The following PRKD1 variants were observed in gnomAD, a reference collection of about 807,000 sequenced individuals.
The protein encoded by PRKD1 is protein kinase D1, also known as serine/threonine-protein kinase D1.
PRKD1 carries 63 observed loss-of-function variants against 95.9 expected under a neutral mutation model. The observed-to-expected ratio is 0.66, with a 90% CI of 0.54 to 0.81. PRKD1 has a LOEUF of 0.81. PRKD1 is among the 30% of genes least tolerant of loss of function. The pLI, the probability that PRKD1 is intolerant of heterozygous loss-of-function variation, is 0.00. For missense variants in PRKD1, 1,048 were observed against 1,165.3 expected (o/e 0.90, Z 1.47); for synonymous variants, 425 against 423.1 (o/e 1.00, Z -0.05).
intron 1 of PRKD1, among the ~76,000 whole-genome samples, chr14:29,809,013 A>G (rs1890368867): frequency 1.3e-5 from 2 of 152,248 alleles, no homozygotes; most frequent in Non-Finnish European, 2.9e-5. Context: ...TTACTCTCTG[A>G]TCCATGGGCT....
chr14:29,854,556 A>G (rs1172651428), intron 1 of PRKD1, among the ~76,000 whole-genome samples: 1 of 152,256 alleles, frequency 6.6e-6, no homozygotes. Flanking sequence ...GAGCATAAAA[A>G]TTCAGAAAAT....
rs528892802 is a variant in PRKD1 at position 29,600,427 on chromosome 14, T to C, written c.1906-610A>G. On this transcript the variant is annotated intron_variant, in intron 13 of 17. Coordinates refer to ENST00000331968, the MANE Select transcript of PRKD1 (RefSeq NM_002742.3). Reference sequence around the variant, plus strand: ...TTGGTTTTCAAGCACGCAATAAATATAGCTAATCCTTGAGAAACACAAATT... The same window carrying C: ...TTGGTTTTCAAGCACGCAATAAATACAGCTAATCCTTGAGAAACACAAATT... Among the ~76,000 whole-genome samples the C allele has an allele frequency of 1.1e-3, 168 of 152,240 alleles. 12 individuals carry two copies. In the South Asian group the frequency reaches 0.033, roughly 30 times the overall value.
chr14:29,604,968 C>A (rs531421351), intron 13 of PRKD1, among the ~76,000 whole-genome samples: 19 of 152,142 alleles, frequency 1.2e-4, no homozygotes, highest in Non-Finnish European at 2.2e-4. Context: ...AATGGCGAAT[C>A]ACCTAGGTCA....
intron 1 of PRKD1, among the ~76,000 whole-genome samples, chr14:29,879,425 C>T (rs1255816014): frequency 5.3e-5 from 8 of 152,198 alleles, no homozygotes; most frequent in Non-Finnish European, 1.2e-4. Context: ...CTTGCTGCCA[C>T]CACGTAAGAA....
At chr14:29,820,491 A>AGGATG (rs1890870364) in intron 1 of PRKD1, among the ~76,000 whole-genome samples, 1 of 152,240 alleles carries the variant, frequency 6.6e-6, no homozygotes, top group South Asian at 2.1e-4. Context: ...AAGAAACTTA[A>AGGATG]GGATGAGTAC....
chr14:29,730,035 G>A (rs927205641), intron 1 of PRKD1, among the ~76,000 whole-genome samples: 4 of 151,776 alleles, frequency 2.6e-5, no homozygotes, highest in Non-Finnish European at 4.4e-5. Context: ...ATAGACAAAC[G>A]TTAAGACATC....
At chr14:29,835,170 C>CAG (rs34461958) in intron 1 of PRKD1, among the ~76,000 whole-genome samples, 1 of 151,714 alleles carries the variant, frequency 6.6e-6, no homozygotes, top group African/African-American at 2.4e-5. Context: ...TGAAAAAAAA[C>CAG]AAATTCATTT....
intron 1 of PRKD1, among the ~76,000 whole-genome samples, chr14:29,736,253 GTCT>G (rs1206668819): frequency 1.3e-5 from 2 of 152,142 alleles, no homozygotes; most frequent in Non-Finnish European, 2.9e-5. Context: ...ATGCATATTG[GTCT>G]TCAACTGCTA....
intron 1 of PRKD1, among the ~76,000 whole-genome samples, chr14:29,835,065 A>G (rs1483598451): frequency 2.6e-5 from 4 of 152,196 alleles, no homozygotes; most frequent in Non-Finnish European, 5.9e-5. Flanking sequence ...AAATTAACAT[A>G]CAAAGAAATA....
chr14:29,691,841 CCATAT>C (rs1414261935), intron 2 of PRKD1, among the ~76,000 whole-genome samples: 1 of 151,962 alleles, frequency 6.6e-6, no homozygotes, highest in Non-Finnish European at 1.5e-5. Flanking sequence ...TTTGTCGTCA[CCATAT>C]CACAAACTTT....
chr14:29,588,014 G>C (rs972202817), intron 16 of PRKD1, among the ~76,000 whole-genome samples: 1 of 152,114 alleles, frequency 6.6e-6, no homozygotes, highest in Non-Finnish European at 1.5e-5. Context: ...ATGCCGTTAT[G>C]TCTGACAGTG....
intron 2 of PRKD1, among the ~76,000 whole-genome samples, chr14:29,707,358 G>T (rs1885141738): frequency 1.3e-5 from 2 of 152,106 alleles, no homozygotes; most frequent in South Asian, 4.1e-4. Flanking sequence ...AGATAGTAAG[G>T]GATGTAGTTA....
chr14:29,870,637 G>A (rs947220550), intron 1 of PRKD1, among the ~76,000 whole-genome samples: 18 of 152,126 alleles, frequency 1.2e-4, no homozygotes, highest in African/African-American at 4.1e-4. Context: ...AACCCCTGAA[G>A]AAATGTTAAG....
At chr14:29,850,072 T>G (rs1892245119) in intron 1 of PRKD1, among the ~76,000 whole-genome samples, 1 of 152,118 alleles carries the variant, frequency 6.6e-6, no homozygotes, top group African/African-American at 2.4e-5. Flanking sequence ...GAAACACTGA[T>G]GACAAACCCA....
chr14:29,583,057 C>T (rs1018684565), intron 16 of PRKD1, among the ~76,000 whole-genome samples: 10 of 152,066 alleles, frequency 6.6e-5, no homozygotes, highest in African/African-American at 1.4e-4. Context: ...AGAGGAATGC[C>T]GAAACTCCAG....
intron 1 of PRKD1, among the ~76,000 whole-genome samples, chr14:29,851,284 C>A (rs1253489438): frequency 6.6e-6 from 1 of 152,086 alleles, no homozygotes; most frequent in East Asian, 1.9e-4. Context: ...ACATAGTAAA[C>A]AGATAACCTA....
chr14:29,670,617 A>T (rs1255294615), intron 2 of PRKD1, among the ~76,000 whole-genome samples: 1 of 152,206 alleles, frequency 6.6e-6, no homozygotes, highest in East Asian at 1.9e-4. Flanking sequence ...GAGAGATGAC[A>T]ACAGATCAAT....
chr14:29,598,964 T>A (rs1049814153), intron 15 of PRKD1, 63 bp downstream of exon 15: 2 of 1,315,296 alleles, frequency 1.5e-6, no homozygotes, highest in Non-Finnish European at 2.2e-6. Context: ...GGTGACAAGA[T>A]GCTACATGGA....
chr14:29,821,765 GT>G (rs1228914343), intron 1 of PRKD1, among the ~76,000 whole-genome samples: 2 of 152,044 alleles, frequency 1.3e-5, no homozygotes, highest in East Asian at 3.9e-4. Context: ...TAATACAAAT[GT>G]TCTGATTGCA....
Sources: allele counts gnomAD v4.1 joint callset (sites outside exome capture counted in the v4.1 genomes callset), GRCh38; gene constraint gnomAD v4.1.1; transcripts MANE v1.5; gene names NCBI Gene and HGNC (gene_info 2026-07-23, HGNC 2026-07-21).